Variants in COLQ observed in about 807,000 individuals in gnomAD.
COLQ encodes collagen like tail subunit of asymmetric acetylcholinesterase, also known as acetylcholinesterase collagenic tail peptide.
A neutral mutation model predicts 69.0 loss-of-function variants in COLQ; 48 were observed. That is an observed-to-expected ratio of 0.70 (90% CI 0.55 to 0.88). The LOEUF is 0.88. Among genes scored for constraint, COLQ ranks in the 40% least tolerant of loss-of-function variants. The pLI is 0.00. For synonymous variants in COLQ, 217 were observed against 211.2 expected, an observed-to-expected ratio of 1.03 and a Z score of -0.24; for missense variants, 618 against 594.6, an observed-to-expected ratio of 1.04 and a Z score of -0.41.
intron 11 of COLQ, among the ~76,000 whole-genome samples, chr3:15,469,348 A>T (rs78753321): frequency 0.019 from 2,844 of 152,306 alleles, 83 homozygotes; most frequent in African/African-American, 0.063. Context: ...TTAAAATATT[A>T]TGAATGGAAA....
intron 3 of COLQ, among the ~76,000 whole-genome samples, chr3:15,484,308 G>GAACACC: frequency 6.6e-6 from 1 of 152,208 alleles, no homozygotes; most frequent in East Asian, 1.9e-4. Flanking sequence ...TCATGGTGTT[G>GAACACC]ATGGTCTTTA....
intron 3 of COLQ, among the ~76,000 whole-genome samples, chr3:15,481,336 G>T (rs2062480196): frequency 6.6e-6 from 1 of 152,092 alleles, no homozygotes; most frequent in Non-Finnish European, 1.5e-5. Flanking sequence ...TATGGTTTTA[G>T]GTCTAACATT....
intron 11 of COLQ, among the ~76,000 whole-genome samples, chr3:15,468,524 A>G (rs1263685718): frequency 1.3e-5 from 2 of 151,894 alleles, no homozygotes; most frequent in African/African-American, 2.4e-5. Context: ...TAGAGGTGGG[A>G]TGTCACTGTA....
chr3:15,475,060 G>T, intron 7 of COLQ, 109 bp from the exon 8 acceptor site: 1 of 1,202,846 alleles, frequency 8.3e-7, no homozygotes, highest in Non-Finnish European at 1.2e-6. Flanking sequence ...TCTCCACATT[G>T]CACTGTGAGT....
chr3:15,508,781 T>C (rs1212081391), intron 1 of COLQ, among the ~76,000 whole-genome samples: 1 of 151,924 alleles, frequency 6.6e-6, no homozygotes, highest in Non-Finnish European at 1.5e-5. Context: ...ATGGGCAAAT[T>C]TTCAGTCTCA....
At chr3:15,507,833 A>C (rs1433669059) in intron 1 of COLQ, among the ~76,000 whole-genome samples, 2 of 152,062 alleles carry the variant, frequency 1.3e-5, no homozygotes, top group Non-Finnish European at 2.9e-5. Flanking sequence ...AGCCATTTAT[A>C]CTTTTTCCAT....
At chr3:15,490,029 T>C (rs1037752235) in intron 1 of COLQ, among the ~76,000 whole-genome samples, 1 of 152,140 alleles carries the variant, frequency 6.6e-6, no homozygotes, top group Non-Finnish European at 1.5e-5. Context: ...CAGAAGGAAA[T>C]TGTTTAGACA....
intron 2 of COLQ, among the ~76,000 whole-genome samples, chr3:15,488,615 G>A (rs890061376): frequency 5.3e-5 from 8 of 152,122 alleles, no homozygotes; most frequent in African/African-American, 9.7e-5. Flanking sequence ...CATAACTAAC[G>A]TGAGGCACCA....
intron 16 of COLQ, among the ~76,000 whole-genome samples, chr3:15,452,571 G>A (rs1215333504): frequency 6.6e-6 from 1 of 151,960 alleles, no homozygotes; most frequent in Non-Finnish European, 1.5e-5. Context: ...AGTGAGCGTG[G>A]GGGAGCCCTG....
At chr3:15,488,757 T>C (rs2062618334) in intron 2 of COLQ, among the ~76,000 whole-genome samples, 1 of 152,226 alleles carries the variant, frequency 6.6e-6, no homozygotes, top group Non-Finnish European at 1.5e-5. Context: ...ATATTATCAT[T>C]TTAACATATA....
chr3:15,452,901 C>G (rs1413223472), intron 16 of COLQ, among the ~76,000 whole-genome samples: 1 of 152,184 alleles, frequency 6.6e-6, no homozygotes, highest in Non-Finnish European at 1.5e-5. Context: ...GGCTCCCCAG[C>G]CCTGCCAAGG....
At chr3:15,485,563 A>G (rs2062559868) in intron 3 of COLQ, among the ~76,000 whole-genome samples, 1 of 152,134 alleles carries the variant, frequency 6.6e-6, no homozygotes, top group African/African-American at 2.4e-5. Flanking sequence ...AAATAACAAC[A>G]GCTCCCCTCA....
chr3:15,460,462 C>G (rs902497829), intron 12 of COLQ, among the ~76,000 whole-genome samples: 3 of 152,144 alleles, frequency 2.0e-5, no homozygotes, highest in Non-Finnish European at 4.4e-5. Context: ...GGAGGCCAGC[C>G]AGTCATTGGT....
At chr3:15,482,587 T>A (rs956857366) in intron 3 of COLQ, among the ~76,000 whole-genome samples, 3 of 152,246 alleles carry the variant, frequency 2.0e-5, no homozygotes, top group African/African-American at 7.2e-5. Context: ...ATAAGCTTTT[T>A]GATGTGCTGC....
intron 3 of COLQ, among the ~76,000 whole-genome samples, chr3:15,486,273 G>T (rs1160314474): frequency 6.6e-6 from 1 of 152,168 alleles, no homozygotes; most frequent in Non-Finnish European, 1.5e-5. Flanking sequence ...CTTGGTGGAG[G>T]GGTGGTATCT....
intron 7 of COLQ, 178 bp from the exon 8 acceptor site, chr3:15,475,129 G>A (rs2062357820): frequency 8.2e-6 from 6 of 731,416 alleles, no homozygotes; most frequent in Non-Finnish European, 9.5e-6. Context: ...GTTATACCAG[G>A]CCTAAAAGGA....
intron 1 of COLQ, among the ~76,000 whole-genome samples, chr3:15,511,657 G>A (rs988635529): frequency 2.7e-4 from 41 of 152,136 alleles, no homozygotes; most frequent in African/African-American, 8.9e-4. Context: ...CGCAGCTCTC[G>A]AGAAGATCGA....
intron 1 of COLQ, among the ~76,000 whole-genome samples, chr3:15,500,025 G>A (rs1458572753): frequency 6.6e-6 from 1 of 152,210 alleles, no homozygotes; most frequent in Non-Finnish European, 1.5e-5. Context: ...GGCTAACATA[G>A]GGCAGGGATG....
At chr3:15,508,324 C>T (rs1466154261) in intron 1 of COLQ, among the ~76,000 whole-genome samples, 5 of 152,240 alleles carry the variant, frequency 3.3e-5, no homozygotes, top group Admixed American at 2.6e-4. Context: ...GGCCTACAAC[C>T]GGAATGTTGC....
Sources: gnomAD v4.1 joint callset for allele counts (sites outside exome capture counted in the v4.1 genomes callset) on GRCh38, gnomAD v4.1.1 for gene constraint, MANE v1.5 for transcripts, NCBI Gene and HGNC (gene_info 2026-07-23, HGNC 2026-07-21) for gene names.